The following TEX36 variants were observed in gnomAD, a reference collection of about 807,000 sequenced individuals.
TEX36 encodes the protein testis-expressed protein 36.
In TEX36, 12 loss-of-function variants were observed where a neutral mutation model predicts 13.6. That is an observed-to-expected ratio of 0.88 (90% CI 0.56 to 1.43). The LOEUF (loss-of-function observed/expected upper bound fraction) is 1.43, where lower values mean the gene tolerates loss of function less well. Among genes scored for constraint, TEX36 ranks in the 40% most tolerant of loss-of-function variants. The pLI, the probability that TEX36 is intolerant of heterozygous loss-of-function variation, is 0.00. For synonymous variants in TEX36, 93 were observed against 83.0 expected (o/e 1.12, Z -0.65); for missense variants, 224 against 228.3 (o/e 0.98, Z 0.12).
Position 125,634,300 on chromosome 10 carries a change from C to T in TEX36, c.265-12655G>A, listed in dbSNP as rs116477119. On this transcript the variant is annotated intron_variant, in intron 3 of 3. Transcript: ENST00000526819. ...AACTTTGCAACATCTCTCTTTGATGCCAAGCAGAGGAGGTGACCTGACCTC... is the reference window on the plus strand; with the variant it reads ...AACTTTGCAACATCTCTCTTTGATGTCAAGCAGAGGAGGTGACCTGACCTC... Among the ~76,000 whole-genome samples, 872 of 152,200 alleles carry T rather than the reference C, an allele frequency of 5.7e-3. 13 individuals carry two copies. The highest frequency in any genetic ancestry group is 0.02 in the African/African-American group (831 of 41,520).
intron 3 of TEX36, among the ~76,000 whole-genome samples, chr10:125,647,149 A>AT (rs1846782382): frequency 6.6e-6 from 1 of 152,258 alleles, no homozygotes; most frequent in Non-Finnish European, 1.5e-5. Flanking sequence ...ACATATTAAT[A>AT]TAGAAAAACA....
chr10:125,668,786 G>T (rs999816468), intron 1 of TEX36, among the ~76,000 whole-genome samples: 1 of 151,980 alleles, frequency 6.6e-6, no homozygotes, highest in African/African-American at 2.4e-5. Flanking sequence ...TGCTTTTCTA[G>T]TTCCTTGGAG....
At chr10:125,650,903 T>C (rs1846842424), downstream of TEX36, among the ~76,000 whole-genome samples, 1 of 152,086 alleles carries the variant, frequency 6.6e-6, no homozygotes. Context: ...CTAGAAGAAA[T>C]GGATAAACTC....
At chr10:125,637,942 G>A (rs976050675) in intron 3 of TEX36, among the ~76,000 whole-genome samples, 5 of 151,170 alleles carry the variant, frequency 3.3e-5, no homozygotes, top group Non-Finnish European at 5.9e-5. Flanking sequence ...CCTGCTGCCG[G>A]GCCCCCTCCA....
In TEX36 at chr10:125,583,650, T is replaced by G. The variant is rs147694408; in HGVS notation, c.265-6776A>C. 6.3e-3 allele frequency among the ~76,000 whole-genome samples: 961 copies of G among 152,350 alleles called. 11 individuals carry two copies. Among genetic ancestry groups the G allele is most frequent in the African/African-American group, 0.021 (889 of 41,584 alleles). ...CAGACTCTAGCAAAAAGCCCATCTATTTTGGTTAAAAATATCAGCTGTAGG... is the reference window on the plus strand; with the variant it reads ...CAGACTCTAGCAAAAAGCCCATCTAGTTTGGTTAAAAATATCAGCTGTAGG... On this transcript the variant is annotated intron_variant, in intron 3 of 3. Transcript: ENST00000532135.
At chr10:125,604,085 G>C (rs1253289357) in intron 3 of TEX36, among the ~76,000 whole-genome samples, 3 of 152,120 alleles carry the variant, frequency 2.0e-5, no homozygotes, top group Non-Finnish European at 4.4e-5. Context: ...AAGTCGGGGA[G>C]GAGTCCTCAG....
At chr10:125,622,340 A>T (rs540222077) in intron 3 of TEX36, among the ~76,000 whole-genome samples, 1 of 152,360 alleles carries the variant, frequency 6.6e-6, no homozygotes, top group South Asian at 2.1e-4. Flanking sequence ...TAAAATGAAG[A>T]TATTTCCTTA....
chr10:125,633,426 T>G (rs1364371193), intron 3 of TEX36, among the ~76,000 whole-genome samples: 3 of 152,248 alleles, frequency 2.0e-5, no homozygotes, highest in Admixed American at 1.3e-4. Context: ...TAATGGCATC[T>G]GCTAAATAAT....
intron 3 of TEX36, among the ~76,000 whole-genome samples, chr10:125,637,454 T>C (rs980459455): frequency 6.6e-6 from 1 of 152,232 alleles, no homozygotes; most frequent in Non-Finnish European, 1.5e-5. Flanking sequence ...ATTGTATGTA[T>C]GTACCACATT....
intron 3 of TEX36, among the ~76,000 whole-genome samples, chr10:125,640,539 C>T (rs1407043282): frequency 6.6e-6 from 1 of 152,120 alleles, no homozygotes; most frequent in Non-Finnish European, 1.5e-5. Flanking sequence ...TACTTAAATA[C>T]CGCGTGTTAA....
chr10:125,653,167 G>A (rs1213087441), downstream of TEX36, among the ~76,000 whole-genome samples: 1 of 152,104 alleles, frequency 6.6e-6, no homozygotes, highest in Non-Finnish European at 1.5e-5. Flanking sequence ...AAATCATGCT[G>A]CTATAAAGAC....
At chr10:125,581,550 T>C (rs986260556) in intron 3 of TEX36, among the ~76,000 whole-genome samples, 3 of 152,256 alleles carry the variant, frequency 2.0e-5, no homozygotes, top group East Asian at 1.9e-4. Flanking sequence ...TTAAGTAAAC[T>C]ACCTGCACTC....
At chr10:125,586,635 C>A (rs1030586991) in intron 3 of TEX36, among the ~76,000 whole-genome samples, 44,183 of 113,490 alleles carry the variant, frequency 0.39, 10,109 homozygotes, top group South Asian at 0.61. Context: ...ACTAAAAATC[C>A]AAAAAAAAAA....
intron 3 of TEX36, among the ~76,000 whole-genome samples, chr10:125,577,493 T>C (rs947041222): frequency 6.6e-6 from 1 of 152,164 alleles, no homozygotes; most frequent in South Asian, 2.1e-4. Context: ...AGTGAGACTG[T>C]GTCTCAAAGA....
intron 3 of TEX36, among the ~76,000 whole-genome samples, chr10:125,583,688 C>G (rs1335645266): frequency 1.3e-5 from 2 of 152,322 alleles, no homozygotes; most frequent in South Asian, 2.1e-4. Context: ...TTATGTAATA[C>G]TTTTAAAATG....
At chr10:125,620,702 T>A (rs2133559569), downstream of TEX36, among the ~76,000 whole-genome samples, 1 of 152,348 alleles carries the variant, frequency 6.6e-6, no homozygotes, top group East Asian at 1.9e-4. Context: ...TAAGCTTATT[T>A]ACATTGCTAT....
At chr10:125,656,566 A>G (rs1846948355) in intron 3 of TEX36, among the ~76,000 whole-genome samples, 1 of 152,016 alleles carries the variant, frequency 6.6e-6, no homozygotes, top group Non-Finnish European at 1.5e-5. Flanking sequence ...CCTCAGTCAC[A>G]TAGTTCTGAG....
chr10:125,679,734 T>C (rs1847366590), intron 1 of TEX36, among the ~76,000 whole-genome samples: 1 of 152,234 alleles, frequency 6.6e-6, no homozygotes, highest in Non-Finnish European at 1.5e-5. Flanking sequence ...TCCAGCGTTC[T>C]CTCTTGGATA....
At chr10:125,633,266 T>G (rs1005438523) in intron 3 of TEX36, among the ~76,000 whole-genome samples, 2 of 152,244 alleles carry the variant, frequency 1.3e-5, no homozygotes, top group African/African-American at 4.8e-5. Flanking sequence ...TGATTTTTTG[T>G]TAATGGTGGC....
Sources: gnomAD v4.1 joint callset for allele counts (sites outside exome capture counted in the v4.1 genomes callset) on GRCh38, gnomAD v4.1.1 for gene constraint, MANE v1.5 for transcripts, NCBI Gene and HGNC (gene_info 2026-07-23, HGNC 2026-07-21) for gene names.